FCMR: variants seen among roughly 807,000 people sequenced by gnomAD.
FCMR encodes Fc mu receptor.
Under a neutral mutation model 41.6 loss-of-function variants are expected in FCMR, and 34 were observed. The ratio of observed to expected loss-of-function variants is 0.82; its 90% CI spans 0.62 to 1.09. The LOEUF (loss-of-function observed/expected upper bound fraction) is 1.09, where lower values mean the gene tolerates loss of function less well. Among genes scored for constraint, FCMR ranks in the 50% least tolerant of loss-of-function variants. The pLI, the probability that FCMR is intolerant of heterozygous loss-of-function variation, is 0.00. For missense variants in FCMR, 496 were observed against 512.5 expected, an observed-to-expected ratio of 0.97 and a Z score of 0.31; for synonymous variants, 209 against 211.8, an observed-to-expected ratio of 0.99 and a Z score of 0.12.
intron 7 of FCMR, chr1:206,908,309 A>G (rs1713231): frequency 0.4 from 288,239 of 729,050 alleles, 61,409 homozygotes; most frequent in Middle Eastern, 0.48. Flanking sequence ...TGCGGGACCC[A>G]GGGGCAGCAG....
At chr1:206,907,235 G>C (rs1403018240) in intron 7 of FCMR, among the ~76,000 whole-genome samples, 1 of 152,140 alleles carries the variant, frequency 6.6e-6, no homozygotes, top group African/African-American at 2.4e-5. Context: ...TTGAAGGGAG[G>C]TTCACTACAT....
chr1:206,920,333 T>C (rs1438303734), intron 1 of FCMR, among the ~76,000 whole-genome samples: 1 of 151,798 alleles, frequency 6.6e-6, no homozygotes, highest in Non-Finnish European at 1.5e-5. Flanking sequence ...TGCGCACCTG[T>C]AATCCCAGCT....
At position 206,909,958 on chromosome 1, in the gene FCMR, G is replaced by T. The variant is rs1351163868; in HGVS notation, c.842-90C>A. ...AACGAAAGGCTGCCTCCTCCCTCGG[G>T]CTTGGCAGTGTCTGACCTGGAGATG... On this transcript the variant is annotated intron_variant, in intron 5 of 7. Coordinates refer to ENST00000367091, the MANE Select transcript of FCMR (RefSeq NM_005449.5). This position sits in a 1 kb window ranked among gnomAD's most constrained non-coding sequence, Gnocchi z 5.0. 6 of 1,321,708 alleles carry T rather than the reference G, an allele frequency of 4.5e-6. No individual in the cohort carries two copies. Among genetic ancestry groups the T allele is most frequent in the African/African-American group, 3.1e-5 (2 of 64,142 alleles). 81.9% of individuals were successfully genotyped at this position (1,321,708 alleles called of 1,614,324 possible).
At position 206,912,984 on chromosome 1, in the gene FCMR, CAG is replaced by C; in HGVS notation, c.430_431del (p.Leu144AlafsTer55). 6.2e-7 allele frequency: 1 copy of C among 1,613,914 alleles called. No homozygotes were observed. The highest frequency in any genetic ancestry group is 8.5e-7 in the Non-Finnish European group (1 of 1,179,784). ...PMPETPKWFH[L>X]PYLFQMPAYA... ...ATGCAGGCATCTGGAACAAATAGGG[CAG>C]ATGAAACCATTTTGGAGTCTCAGGC... On this transcript the variant is annotated frameshift_variant, in exon 3 of 8. Transcript: ENST00000367091. LOFTEE classifies it high-confidence loss of function.
intron 1 of FCMR, chr1:206,921,519 C>G (rs184198751): frequency 2.1e-6 from 1 of 481,700 alleles, no homozygotes; most frequent in African/African-American, 2.0e-5. Flanking sequence ...TAGGATCACT[C>G]GAACCCAGGA....
intron 5 of FCMR, 107 bp downstream of exon 5, chr1:206,910,103 C>G: frequency 7.7e-7 from 1 of 1,305,612 alleles, no homozygotes; most frequent in South Asian, 1.6e-5. Context: ...ACACCCCAGG[C>G]TGCTCATCAA....
At chr1:206,914,776 A>G (rs1679116703) in intron 1 of FCMR, among the ~76,000 whole-genome samples, 1 of 151,332 alleles carries the variant, frequency 6.6e-6, no homozygotes, top group Non-Finnish European at 1.5e-5. Context: ...CCCATCCCCA[A>G]CCCTATTCAC....
upstream of FCMR, among the ~76,000 whole-genome samples, chr1:206,922,290 T>G (rs1216884793): frequency 6.6e-6 from 1 of 152,152 alleles, no homozygotes; most frequent in Non-Finnish European, 1.5e-5. Context: ...TTATCACCAA[T>G]TTTCCCTGCC....
In FCMR at chr1:206,909,790, C is replaced by G. The variant is rs192734594; in HGVS notation, c.920G>C (p.Arg307Pro). The G allele has an allele frequency of 3.9e-4, 562 of 1,442,390 alleles. 7 individuals are homozygous for G. The East Asian group carries it at 0.013, about 33-fold the overall frequency. The allele number at this position is 1,442,390 out of a possible 1,614,324, so 89.3% of individuals were successfully genotyped here. The part of the protein sequence containing the change: ...ESSQRPRGSP[R>P]PRSQNNIYSA... The stretch of plus-strand genomic sequence containing the variant: ...GTAGATGTTGTTTTGGGAGCGCGGT[C>G]GCGGCGACCCGCGGGGCCTCTGGGA... Residue 307 changes from arginine to proline, a missense_variant, in exon 6 of 8, where the codon CGA (arginine) becomes CCA (proline). Coordinates refer to ENST00000367091, the MANE Select transcript of FCMR (RefSeq NM_005449.5). The surrounding 1 kb of genome is among the most constrained non-coding windows in gnomAD (Gnocchi z 5.0).
intron 7 of FCMR, 74 bp from the exon 8 acceptor site, chr1:206,905,221 G>A: frequency 6.5e-7 from 1 of 1,544,894 alleles, no homozygotes; most frequent in Non-Finnish European, 8.9e-7. Flanking sequence ...GATTTTCATA[G>A]TGGGCAATGG....
chr1:206,914,394 T>C (rs565618436), intron 1 of FCMR, among the ~76,000 whole-genome samples: 4 of 146,612 alleles, frequency 2.7e-5, no homozygotes, highest in African/African-American at 1.1e-4. Context: ...TCCTCTCTCT[T>C]TTCTCTTTCT....
Position 206,911,839 on chromosome 1 carries a change from G to C in FCMR, c.601C>G (p.Pro201Ala). 2 of 1,611,854 alleles carry C rather than the reference G, an allele frequency of 1.2e-6. No individual in the cohort carries two copies. Among genetic ancestry groups the C allele is most frequent in the Non-Finnish European group, 1.7e-6 (2 of 1,179,072 alleles). The part of the protein sequence containing the change: ...SRASSVAGDK[P>A]RTFLPSTTAS... ...GTAGTGGATGGCAGGAAGGTTCGGG[G>C]CTTGTCACCTGCTACTGAAGATGCT... Residue 201 changes from proline (P) to alanine (A), a missense_variant, in exon 4 of 8, where the codon CCC (proline) becomes GCC (alanine). Coordinates refer to ENST00000367091, the MANE Select transcript of FCMR (RefSeq NM_005449.5).
rs1239106294 is a variant in FCMR at position 206,904,292 on chromosome 1, A to G, written c.*727T>C. The stretch of plus-strand genomic sequence containing the variant: ...GTCAGGCTATGGAAGAAAGATAAAG[A>G]GATACTTTTTTTTTTTTTTTTTTAG... On this transcript the variant is annotated 3_prime_UTR_variant, in exon 8 of 8. Transcript: ENST00000367091. The G allele has an allele frequency of 2.0e-5, 3 of 150,958 alleles. No individual in the cohort carries two copies. The highest frequency in any genetic ancestry group is 2.9e-5 in the Non-Finnish European group (2 of 67,940). The allele number at this position is 150,958 out of a possible 1,614,324, so 9.4% of individuals were successfully genotyped here. A position where few individuals can be genotyped will look rare whatever the true frequency, so the allele number is the denominator to read the frequency against.
chr1:206,911,530 A>G (rs1002010637), intron 4 of FCMR, among the ~76,000 whole-genome samples, 200 bp downstream of exon 4: 2 of 152,220 alleles, frequency 1.3e-5, no homozygotes, highest in Non-Finnish European at 2.9e-5. Flanking sequence ...ACTTCTTTCT[A>G]CAGGATCAAT....
At chr1:206,918,321 G>A (rs974166792) in intron 1 of FCMR, among the ~76,000 whole-genome samples, 3 of 152,014 alleles carry the variant, frequency 2.0e-5, no homozygotes, top group African/African-American at 4.8e-5. Flanking sequence ...GCTAGCCCAG[G>A]CCCTGTGCCT....
At chr1:206,907,669 C>T (rs1242241201) in intron 7 of FCMR, 10 of 791,550 alleles carry the variant, frequency 1.3e-5, no homozygotes, top group Non-Finnish European at 2.1e-5. Flanking sequence ...ATCTCCTGGG[C>T]CCCCTGGCGG....
rs1678744018 is a variant in FCMR, at chr1:206,907,921, C to T, written c.1044+1541G>A. The T allele has an allele frequency of 2.4e-5, 30 of 1,262,742 alleles. No individual in the cohort carries two copies. The South Asian group carries it at 3.5e-4, about 15-fold the overall frequency. The allele number at this position is 1,262,742 out of a possible 1,614,324, so 78.2% of individuals were successfully genotyped here. On this transcript the variant is annotated intron_variant, in intron 7 of 7. Coordinates refer to ENST00000367091, the MANE Select transcript of FCMR (RefSeq NM_005449.5). ...GTGAGGCCAGGCCGCCCTGGACCAC[C>T]TCAAGGTGTTTGACGGCATCCTACT... is the stretch of plus-strand genomic sequence containing the variant.
rs572799104 is a variant in FCMR, at chr1:206,915,059, C to T, written c.38-965G>A. On this transcript the variant is annotated intron_variant, in intron 1 of 7. Transcript: ENST00000367091. ...CAGGTTTTCCTTTCCAGTTTGGTTT[C>T]GCTCAGGCGCATCCATCTAGCCATT... 4.2e-4 allele frequency among the ~76,000 whole-genome samples: 64 copies of T among 152,338 alleles called. 1 individual carries two copies. Among genetic ancestry groups the T allele is most frequent in the African/African-American group, 5.3e-4 (22 of 41,580 alleles).
rs1481399347 is a variant in FCMR at position 206,913,960 on chromosome 1, A to G, written c.172T>C (p.Cys58Arg). The change falls in exon 2 of 8, where the codon TGT (cysteine) becomes CGT (arginine). Residue 58 changes from cysteine to arginine, a missense_variant. Physicochemically the swap from Cys to Arg is radical, Grantham distance 180. Coordinates refer to ENST00000367091, the MANE Select transcript of FCMR (RefSeq NM_005449.5). ...TTGGTGGTGGATACCACGGTACCAC[A>G]TGTTCCAGATCCAGCCATCTCCCGG... ...LCREMAGSGT[C>R]GTVVSTTNFI... The G allele has an allele frequency of 5.6e-6, 9 of 1,614,200 alleles. No individual in the cohort carries two copies. The highest frequency in any genetic ancestry group is 7.6e-6 in the Non-Finnish European group (9 of 1,180,030).
Sources: gnomAD v4.1 joint callset for allele counts (sites outside exome capture counted in the v4.1 genomes callset) on GRCh38, gnomAD v4.1.1 for gene constraint, Gnocchi (gnomAD v3.1) non-coding constraint, MANE v1.5 for transcripts, NCBI Gene and HGNC (gene_info 2026-07-23, HGNC 2026-07-21) for gene names.